Variants in LRRC4C observed in about 807,000 individuals in gnomAD.
The protein encoded by LRRC4C is leucine rich repeat containing 4C.
In LRRC4C, 5 loss-of-function variants were observed where a neutral mutation model predicts 33.6. The observed-to-expected ratio is 0.15, with a 90% CI of 0.08 to 0.31. LRRC4C has a LOEUF of 0.31. Ranked by LOEUF, LRRC4C falls within the 10% of genes least tolerant of loss-of-function variation. LRRC4C has a pLI of 1.00. For synonymous variants in LRRC4C, 329 were observed against 302.0 expected, an observed-to-expected ratio of 1.09 and a Z score of -0.93; for missense variants, 560 against 796.7, an observed-to-expected ratio of 0.70 and a Z score of 3.58.
intron 1 of LRRC4C, among the ~76,000 whole-genome samples, chr11:41,310,749 TA>T: frequency 6.6e-6 from 1 of 152,118 alleles, no homozygotes; most frequent in Non-Finnish European, 1.5e-5. Context: ...AAAGCCACAA[TA>T]AAAAAAACCA....
At chr11:40,635,477 C>G (rs894456183) in intron 3 of LRRC4C, among the ~76,000 whole-genome samples, 46 of 152,216 alleles carry the variant, frequency 3.0e-4, no homozygotes, top group Middle Eastern at 3.4e-3. Context: ...AACATACACA[C>G]AGACACATAG....
At chr11:40,523,685 C>T (rs1003741516) in intron 3 of LRRC4C, among the ~76,000 whole-genome samples, 1 of 151,654 alleles carries the variant, frequency 6.6e-6, no homozygotes, top group East Asian at 1.9e-4. Context: ...GTAAACTTCA[C>T]TCTCCAATGG....
intron 4 of LRRC4C, among the ~76,000 whole-genome samples, chr11:40,298,506 A>G (rs377448675): frequency 2.2e-4 from 34 of 151,178 alleles, no homozygotes; most frequent in African/African-American, 7.8e-4. Context: ...CAGAAATCCA[A>G]TAGAGCAAGC....
intron 1 of LRRC4C, among the ~76,000 whole-genome samples, chr11:41,050,121 T>C (rs1858094505): frequency 6.6e-6 from 1 of 152,142 alleles, no homozygotes; most frequent in African/African-American, 2.4e-5. Flanking sequence ...GGCATCATAG[T>C]GAGAAGGGGA....
intron 2 of LRRC4C, among the ~76,000 whole-genome samples, chr11:40,745,300 C>T (rs1363140449): frequency 6.6e-6 from 1 of 151,984 alleles, no homozygotes; most frequent in Admixed American, 6.6e-5. Flanking sequence ...AATAGCAGAC[C>T]TTCTTCTCCA....
intron 1 of LRRC4C, among the ~76,000 whole-genome samples, chr11:41,080,012 A>G (rs1234238299): frequency 2.6e-5 from 4 of 152,104 alleles, no homozygotes; most frequent in Non-Finnish European, 5.9e-5. Context: ...TCATCACATA[A>G]TGGGACACAT....
At chr11:41,181,912 C>A (rs1352369845) in intron 1 of LRRC4C, among the ~76,000 whole-genome samples, 1 of 152,150 alleles carries the variant, frequency 6.6e-6, no homozygotes, top group Non-Finnish European at 1.5e-5. Flanking sequence ...AAAAAAGACT[C>A]TTTACTTAAA....
chr11:41,183,523 C>T (rs7128474), intron 1 of LRRC4C, among the ~76,000 whole-genome samples: 140,622 of 152,114 alleles, frequency 0.92, 65,509 homozygotes, highest in East Asian at 1. Flanking sequence ...ATGTCTCACA[C>T]CCAGGTCATG....
intron 3 of LRRC4C, among the ~76,000 whole-genome samples, chr11:40,504,446 TATGAACAG>T (rs59841777): frequency 0.17 from 25,133 of 151,826 alleles, 2,392 homozygotes; most frequent in African/African-American, 0.26. Context: ...ATGAACAGAA[TATGAACAG>T]ATGCCACTTG....
chr11:41,161,937 C>G (rs751454673), intron 1 of LRRC4C, among the ~76,000 whole-genome samples: 3 of 152,048 alleles, frequency 2.0e-5, no homozygotes, highest in Non-Finnish European at 4.4e-5. Context: ...TGTAAGTAAA[C>G]CACAACTGTG....
intron 1 of LRRC4C, among the ~76,000 whole-genome samples, chr11:41,220,486 C>CT (rs5791426): frequency 0.94 from 135,346 of 144,360 alleles, 63,938 homozygotes; most frequent in South Asian, 0.99. Context: ...TAGAAAACAG[C>CT]TTTTTTTTTT....
At chr11:41,374,101 C>T (rs1952853437) in intron 1 of LRRC4C, among the ~76,000 whole-genome samples, 1 of 152,104 alleles carries the variant, frequency 6.6e-6, no homozygotes, top group Admixed American at 6.5e-5. Flanking sequence ...ATGACTTCCC[C>T]CAAACTTCTA....
At chr11:40,278,475 T>C (rs1943262867) in intron 4 of LRRC4C, among the ~76,000 whole-genome samples, 1 of 152,202 alleles carries the variant, frequency 6.6e-6, no homozygotes, top group South Asian at 2.1e-4. Flanking sequence ...ATGATTCTTT[T>C]GTTTTTGCTT....
At chr11:40,625,830 CT>C (rs999782476) in intron 3 of LRRC4C, among the ~76,000 whole-genome samples, 27 of 152,106 alleles carry the variant, frequency 1.8e-4, no homozygotes, top group African/African-American at 6.3e-4. Context: ...TATAACAAAC[CT>C]TTTCCAAACA....
At chr11:40,865,054 G>T (rs1954286446) in intron 2 of LRRC4C, among the ~76,000 whole-genome samples, 2 of 152,120 alleles carry the variant, frequency 1.3e-5, no homozygotes, top group African/African-American at 4.8e-5. Context: ...GACTAGTGCT[G>T]CAATAAACAT....
intron 1 of LRRC4C, among the ~76,000 whole-genome samples, chr11:41,387,158 C>T (rs921924902): frequency 1.3e-5 from 2 of 151,576 alleles, no homozygotes; most frequent in African/African-American, 4.8e-5. Flanking sequence ...TTTTTTTCTC[C>T]TGTAGATAAC....
At chr11:40,539,193 C>A (rs1477381782) in intron 3 of LRRC4C, among the ~76,000 whole-genome samples, 2 of 152,196 alleles carry the variant, frequency 1.3e-5, no homozygotes, top group African/African-American at 4.8e-5. Context: ...TCAGGACTCA[C>A]AGATGCTTTC....
intron 6 of LRRC4C, among the ~76,000 whole-genome samples, chr11:40,116,932 G>A (rs548884109): frequency 1.3e-5 from 2 of 152,166 alleles, no homozygotes; most frequent in Non-Finnish European, 2.9e-5. Context: ...AACCAAGTGT[G>A]GGCCCATATA....
At chr11:40,720,444 A>C (rs1946954674) in intron 2 of LRRC4C, among the ~76,000 whole-genome samples, 1 of 152,214 alleles carries the variant, frequency 6.6e-6, no homozygotes, top group Non-Finnish European at 1.5e-5. Context: ...TGAAAAATTA[A>C]TAGACTTGAT....
Sources: allele counts gnomAD v4.1 joint callset (sites outside exome capture counted in the v4.1 genomes callset), GRCh38; gene constraint gnomAD v4.1.1; transcripts MANE v1.5; gene names NCBI Gene and HGNC (gene_info 2026-07-23, HGNC 2026-07-21).